Variants in PALLD observed in about 807,000 individuals in gnomAD.
PALLD encodes palladin, cytoskeletal associated protein, also known as palladin.
A neutral mutation model predicts 123.5 loss-of-function variants in PALLD; 61 were observed. The observed-to-expected ratio is 0.49, with a 90% CI of 0.40 to 0.61. The LOEUF (loss-of-function observed/expected upper bound fraction) is 0.61, where lower values mean the gene tolerates loss of function less well. Among genes scored for constraint, PALLD ranks in the 20% least tolerant of loss-of-function variants. The probability of loss-of-function intolerance (pLI) is 0.00; values close to 1 mark genes in which losing one functional copy is unlikely to be tolerated. For missense variants in PALLD, 1,273 were observed against 1,377.0 expected, an observed-to-expected ratio of 0.92 and a Z score of 1.20; for synonymous variants, 465 against 496.4, an observed-to-expected ratio of 0.94 and a Z score of 0.84.
intron 10 of PALLD, among the ~76,000 whole-genome samples, chr4:168,720,078 A>G (rs1293591246): frequency 6.6e-6 from 1 of 152,198 alleles, no homozygotes; most frequent in African/African-American, 2.4e-5. Context: ...AATGCTGGGT[A>G]ATGTGGGGTG....
chr4:168,898,372 T>C, intron 13 of PALLD, 121 bp from the exon 14 acceptor site: 5 of 725,892 alleles, frequency 6.9e-6, no homozygotes, highest in South Asian at 4.5e-5. Context: ...GCTCAGACTG[T>C]GTTTTTAAGC....
intron 10 of PALLD, among the ~76,000 whole-genome samples, chr4:168,729,139 G>C (rs990258504): frequency 6.6e-6 from 1 of 152,106 alleles, no homozygotes; most frequent in Admixed American, 6.5e-5. Flanking sequence ...CCAATTTCTT[G>C]GTCTTTTTAG....
intron 10 of PALLD, among the ~76,000 whole-genome samples, chr4:168,730,549 T>C (rs2150305603): frequency 6.6e-6 from 1 of 152,266 alleles, no homozygotes; most frequent in African/African-American, 2.4e-5. Flanking sequence ...TCCATAAACA[T>C]GGAAAGCGTG....
At position 168,639,700 on chromosome 4, in the gene PALLD, C is replaced by T. The variant is rs541013274; in HGVS notation, c.909-28490C>T. ...CTGGGACTACAGGCACCCACTACCA[C>T]GCCCAGCTAATTTTTTGTATTTTTT... On this transcript the variant is annotated intron_variant, in intron 2 of 21. Transcript: ENST00000505667. 4.0e-5 allele frequency among the ~76,000 whole-genome samples: 6 copies of T among 150,802 alleles called. No homozygotes were observed. The East Asian group carries it at 6.0e-4, about 15-fold the overall frequency.
chr4:168,918,178 C>T (rs1760614249), intron 17 of PALLD, among the ~76,000 whole-genome samples: 1 of 151,146 alleles, frequency 6.6e-6, no homozygotes, highest in African/African-American at 2.4e-5. Flanking sequence ...ACAAGACTCC[C>T]CGTCTCCCCC....
chr4:168,832,392 C>T (rs1744387155), intron 10 of PALLD, among the ~76,000 whole-genome samples: 1 of 151,700 alleles, frequency 6.6e-6, no homozygotes, highest in Non-Finnish European at 1.5e-5. Flanking sequence ...AAGCGGAGCT[C>T]CAGATAGGAA....
intron 9 of PALLD, among the ~76,000 whole-genome samples, chr4:168,710,956 G>A (rs1205843784): frequency 6.7e-6 from 1 of 149,610 alleles, no homozygotes; most frequent in East Asian, 2.2e-4. Flanking sequence ...CATGCCAGGA[G>A]CTCTGCTGGG....
At chr4:168,829,172 T>C (rs1202347290) in intron 10 of PALLD, 1 of 152,226 alleles carries the variant, frequency 6.6e-6, no homozygotes, top group Non-Finnish European at 1.5e-5. Flanking sequence ...GTTGCAAACA[T>C]TGGAATATTC....
intron 2 of PALLD, among the ~76,000 whole-genome samples, chr4:168,566,378 A>G (rs76971438): frequency 0.11 from 16,155 of 152,098 alleles, 934 homozygotes; most frequent in Middle Eastern, 0.16. Context: ...GCTCACTACA[A>G]CCTTGATCTC....
chr4:168,506,314 T>A (rs570228511), intron 1 of PALLD, among the ~76,000 whole-genome samples: 1 of 152,294 alleles, frequency 6.6e-6, no homozygotes, highest in East Asian at 1.9e-4. Flanking sequence ...CACAGAAGTC[T>A]CAGTTTGGGA....
chr4:168,642,942 A>G (rs1777102426), intron 2 of PALLD, among the ~76,000 whole-genome samples: 1 of 152,226 alleles, frequency 6.6e-6, no homozygotes, highest in East Asian at 1.9e-4. Context: ...AGCAGACGTG[A>G]AAGCTCTTTG....
At chr4:168,832,155 C>A (rs923208275) in intron 10 of PALLD, 1 of 985,508 alleles carries the variant, frequency 1.0e-6, no homozygotes, top group Non-Finnish European at 1.2e-6. Context: ...CAGCGGGAGG[C>A]GGCCCGGAGA....
chr4:168,502,512 T>C (rs1481517231), intron 1 of PALLD, among the ~76,000 whole-genome samples: 2 of 152,196 alleles, frequency 1.3e-5, no homozygotes, highest in East Asian at 3.8e-4. Flanking sequence ...CACTAACATT[T>C]AGCACTGATT....
intron 2 of PALLD, among the ~76,000 whole-genome samples, chr4:168,553,327 C>A (rs1766937128): frequency 6.6e-6 from 1 of 152,150 alleles, no homozygotes; most frequent in Non-Finnish European, 1.5e-5. Flanking sequence ...TAAAAGTCTG[C>A]AAAAGGTAGA....
chr4:168,741,534 A>G (rs1212742878), intron 10 of PALLD, among the ~76,000 whole-genome samples: 1 of 152,002 alleles, frequency 6.6e-6, no homozygotes, highest in East Asian at 1.9e-4. Context: ...AAAAAAAATA[A>G]AAGTAGCCGG....
chr4:168,692,904 C>T (rs1475597349), intron 8 of PALLD, among the ~76,000 whole-genome samples: 1 of 152,178 alleles, frequency 6.6e-6, no homozygotes, highest in African/African-American at 2.4e-5. Flanking sequence ...CACAAACAGT[C>T]ATCTGCAAAG....
intron 2 of PALLD, among the ~76,000 whole-genome samples, chr4:168,589,220 C>G (rs1416883441): frequency 6.6e-6 from 1 of 152,182 alleles, no homozygotes; most frequent in African/African-American, 2.4e-5. Context: ...TCACTCTGAT[C>G]CACGTCTGAT....
intron 2 of PALLD, among the ~76,000 whole-genome samples, chr4:168,625,524 A>AGAT (rs1775179274): frequency 3.0e-4 from 8 of 26,538 alleles, no homozygotes; most frequent in East Asian, 1.9e-3. Context: ...TATATCCTAT[A>AGAT]AGGGGTTAAT....
chr4:168,849,719 T>C (rs1305319440), intron 10 of PALLD, among the ~76,000 whole-genome samples: 6 of 150,246 alleles, frequency 4.0e-5, no homozygotes, highest in African/African-American at 1.5e-4. Flanking sequence ...TTACAAGAAA[T>C]CTCATTACAG....
Sources: allele counts gnomAD v4.1 joint callset (sites outside exome capture counted in the v4.1 genomes callset), GRCh38; gene constraint gnomAD v4.1.1; transcripts MANE v1.5; gene names NCBI Gene and HGNC (gene_info 2026-07-23, HGNC 2026-07-21).